FMN2: variants seen among roughly 807,000 people sequenced by gnomAD.
FMN2 encodes the protein formin-2.
In FMN2, 51 loss-of-function variants were observed where a neutral mutation model predicts 142.3. The observed-to-expected ratio is 0.36, with a 90% CI of 0.29 to 0.45. The LOEUF is 0.45. Among genes scored for constraint, FMN2 ranks in the 20% least tolerant of loss-of-function variants. The pLI, the probability that FMN2 is intolerant of heterozygous loss-of-function variation, is 1.00. For missense variants in FMN2, 1,936 were observed against 2,122.8 expected (o/e 0.91, Z 1.73); for synonymous variants, 882 against 869.8 (o/e 1.01, Z -0.25).
intron 6 of FMN2, among the ~76,000 whole-genome samples, chr1:240,217,289 T>G (rs2103415237): frequency 6.6e-6 from 1 of 152,364 alleles, no homozygotes; most frequent in South Asian, 2.1e-4. Flanking sequence ...TTTCAGTGCT[T>G]GCAGAGTGAC....
chr1:240,337,190 A>C (rs1671592920), intron 13 of FMN2, among the ~76,000 whole-genome samples: 1 of 149,052 alleles, frequency 6.7e-6, no homozygotes, highest in Admixed American at 6.6e-5. Context: ...GCCTATTAAA[A>C]ATTATTCCTT....
At chr1:240,238,901 T>A (rs2102863460) in intron 6 of FMN2, among the ~76,000 whole-genome samples, 1 of 152,294 alleles carries the variant, frequency 6.6e-6, no homozygotes, top group East Asian at 1.9e-4. Context: ...AGTGTTTCCA[T>A]TTATGATGCT....
intron 4 of FMN2, among the ~76,000 whole-genome samples, chr1:240,194,401 C>A (rs1029269636): frequency 6.6e-6 from 1 of 152,148 alleles, no homozygotes; most frequent in African/African-American, 2.4e-5. Context: ...ATATCAGTGG[C>A]AACTATTGCG....
chr1:240,269,065 T>TTTTCTACTTTCTAC (rs1239847813), intron 7 of FMN2, among the ~76,000 whole-genome samples: 8 of 152,174 alleles, frequency 5.3e-5, no homozygotes, highest in African/African-American at 1.9e-4. Context: ...GCCATCCCAT[T>TTTTCTACTTTCTAC]TGTCTATTTT....
intron 6 of FMN2, among the ~76,000 whole-genome samples, chr1:240,241,825 C>CTTCTTTTTTTTT: frequency 1.0e-5 from 1 of 96,202 alleles, no homozygotes; most frequent in Non-Finnish European, 2.1e-5. Flanking sequence ...GTGTGCCTTG[C>CTTCTTTTTTTTT]TTTTTTTTTT....
intron 13 of FMN2, among the ~76,000 whole-genome samples, chr1:240,354,699 T>G (rs1672206575): frequency 6.6e-6 from 1 of 152,182 alleles, no homozygotes; most frequent in Non-Finnish European, 1.5e-5. Context: ...ATTCCCATGC[T>G]TAGATAAACT....
rs534991141 is a variant in FMN2 at position 240,170,354 on chromosome 1, C to T, written c.1783-7567C>T. On this transcript the variant is annotated intron_variant, in intron 2 of 17. Transcript: ENST00000319653. ...AGAGCTGATCCTGAGGGTTGTTTTC[C>T]AGTGATCTTGGGACATGAAGGTGCT... The T allele has an allele frequency of 2.6e-5, 30 of 1,163,838 alleles. No homozygotes were observed. The African/African-American group carries it at 3.3e-4, about 13-fold the overall frequency. 72.1% of individuals were successfully genotyped at this position (1,163,838 alleles called of 1,614,324 possible).
intron 1 of FMN2, among the ~76,000 whole-genome samples, chr1:240,096,377 C>T (rs567442389): frequency 2.0e-5 from 3 of 152,190 alleles, no homozygotes; most frequent in African/African-American, 4.8e-5. Flanking sequence ...GATTGTTGGC[C>T]AGAGTGAACC....
At chr1:240,388,291 T>A (rs1458360002) in intron 14 of FMN2, among the ~76,000 whole-genome samples, 1 of 140,968 alleles carries the variant, frequency 7.1e-6, no homozygotes, top group Non-Finnish European at 1.5e-5. Flanking sequence ...ATTATTACCC[T>A]GCTTTAATGA....
At chr1:240,409,041 C>A (rs933560067) in intron 15 of FMN2, among the ~76,000 whole-genome samples, 1 of 152,216 alleles carries the variant, frequency 6.6e-6, no homozygotes, top group African/African-American at 2.4e-5. Context: ...AATCTCTCAA[C>A]TGTATTTGAA....
intron 4 of FMN2, among the ~76,000 whole-genome samples, chr1:240,206,533 G>T (rs1299429939): frequency 6.6e-6 from 1 of 151,996 alleles, no homozygotes. Flanking sequence ...TTTCTTCCCT[G>T]TTCTCAGTGG....
chr1:240,358,787 G>T (rs1055892119), intron 14 of FMN2, among the ~76,000 whole-genome samples: 3 of 152,148 alleles, frequency 2.0e-5, no homozygotes, highest in Non-Finnish European at 2.9e-5. Flanking sequence ...GGGGATTACA[G>T]TTCAAGATGA....
intron 6 of FMN2, among the ~76,000 whole-genome samples, chr1:240,221,675 T>C (rs1451879062): frequency 6.6e-6 from 1 of 152,132 alleles, no homozygotes; most frequent in Non-Finnish European, 1.5e-5. Context: ...TTTCTCCCAT[T>C]CTGTCGGTTG....
intron 16 of FMN2, among the ~76,000 whole-genome samples, chr1:240,446,252 T>C (rs1675808920): frequency 6.6e-6 from 1 of 152,220 alleles, no homozygotes; most frequent in African/African-American, 2.4e-5. Flanking sequence ...TTTAAAACTT[T>C]GGGAAATCTT....
At chr1:240,385,705 T>A (rs376163320) in intron 14 of FMN2, among the ~76,000 whole-genome samples, 2 of 152,202 alleles carry the variant, frequency 1.3e-5, no homozygotes, top group African/African-American at 2.4e-5. Flanking sequence ...ACCACTTCAA[T>A]ACGTACATCA....
intron 1 of FMN2, among the ~76,000 whole-genome samples, chr1:240,108,222 T>G (rs140057289): frequency 1.1e-3 from 170 of 152,314 alleles, no homozygotes; most frequent in Admixed American, 2.8e-3. Context: ...TTGTTTTCCT[T>G]AATGGTTTGT....
At chr1:240,355,714 G>T (rs902978160) in intron 13 of FMN2, 102 bp from the exon 14 acceptor site, 1 of 703,518 alleles carries the variant, frequency 1.4e-6, no homozygotes, top group Non-Finnish European at 2.5e-6. Flanking sequence ...GCTGATTAGG[G>T]GAGTTAACAG....
intron 16 of FMN2, among the ~76,000 whole-genome samples, chr1:240,443,754 A>C (rs1675707733): frequency 7.9e-6 from 1 of 127,074 alleles, no homozygotes. Flanking sequence ...CTCAGTCTCA[A>C]AAAAAAAAAT....
rs117933968 is a variant in FMN2 at position 240,456,036 on chromosome 1, G to A, written c.5061-16336G>A. Among the ~76,000 whole-genome samples, 68 of 151,828 alleles carry A rather than the reference G, an allele frequency of 4.5e-4. 1 individual carries two copies. The South Asian group carries it at 0.012, about 27-fold the overall frequency. On this transcript the variant is annotated intron_variant, in intron 16 of 17. Transcript: ENST00000319653. ...TAATGATCTCAGAAAAGGTAAGAGCGACATGTTCATATCCAAATATTCTTA... is the reference window on the plus strand; with the variant it reads ...TAATGATCTCAGAAAAGGTAAGAGCAACATGTTCATATCCAAATATTCTTA...
Sources: gnomAD v4.1 joint callset for allele counts (sites outside exome capture counted in the v4.1 genomes callset) on GRCh38, gnomAD v4.1.1 for gene constraint, MANE v1.5 for transcripts, NCBI Gene and HGNC (gene_info 2026-07-23, HGNC 2026-07-21) for gene names.